STAU2: variants seen among roughly 807,000 people sequenced by gnomAD.
The protein encoded by STAU2 is staufen double-stranded RNA binding protein 2.
STAU2 carries 20 observed loss-of-function variants against 65.9 expected under a neutral mutation model. The ratio of observed to expected loss-of-function variants is 0.30; its 90% CI spans 0.21 to 0.44. The LOEUF is 0.44. STAU2 is among the 20% of genes least tolerant of loss of function. The pLI, the probability that STAU2 is intolerant of heterozygous loss-of-function variation, is 1.00. For missense variants in STAU2, 558 were observed against 683.9 expected, an observed-to-expected ratio of 0.82 and a Z score of 2.05; for synonymous variants, 232 against 233.9, an observed-to-expected ratio of 0.99 and a Z score of 0.07.
At chr8:73,593,516 A>G (rs1250806522) in intron 11 of STAU2, among the ~76,000 whole-genome samples, 1 of 152,188 alleles carries the variant, frequency 6.6e-6, no homozygotes, top group Non-Finnish European at 1.5e-5. Context: ...AGTGAGTGTG[A>G]TGATTAACTT....
intron 6 of STAU2, chr8:73,669,010 T>A: frequency 1.4e-6 from 1 of 699,056 alleles, no homozygotes; most frequent in Non-Finnish European, 2.6e-6. Context: ...TTTCATTCCC[T>A]GCCTTAAGAA....
chr8:73,573,724 T>C (rs1809290529), intron 12 of STAU2, among the ~76,000 whole-genome samples: 1 of 152,200 alleles, frequency 6.6e-6, no homozygotes, highest in South Asian at 2.1e-4. Context: ...ACTGGATCCC[T>C]TCCTTACACC....
intron 12 of STAU2, among the ~76,000 whole-genome samples, chr8:73,553,961 A>G (rs1807533543): frequency 6.6e-6 from 1 of 151,880 alleles, no homozygotes; most frequent in African/African-American, 2.4e-5. Flanking sequence ...TATTTAGGAA[A>G]TGTTTTCCTG....
intron 13 of STAU2, among the ~76,000 whole-genome samples, chr8:73,454,492 C>T (rs1181195745): frequency 6.6e-6 from 1 of 152,140 alleles, no homozygotes; most frequent in Non-Finnish European, 1.5e-5. Flanking sequence ...ATCTGTGTAT[C>T]TGTATGGAGG....
chr8:73,719,698 A>G (rs1007072641), intron 3 of STAU2, among the ~76,000 whole-genome samples: 1 of 152,232 alleles, frequency 6.6e-6, no homozygotes, highest in Non-Finnish European at 1.5e-5. Context: ...CCTTTTAATA[A>G]ACTGTTGAAT....
At chr8:73,635,343 A>G (rs529797988) in intron 6 of STAU2, among the ~76,000 whole-genome samples, 10 of 152,330 alleles carry the variant, frequency 6.6e-5, no homozygotes, top group African/African-American at 2.4e-4. Flanking sequence ...AACATCTGGA[A>G]AAAAAGAACA....
intron 4 of STAU2, among the ~76,000 whole-genome samples, chr8:73,695,064 A>G (rs568079281): frequency 8.7e-4 from 133 of 152,252 alleles, no homozygotes; most frequent in African/African-American, 3.2e-3. Context: ...GGCAACTCCT[A>G]GTGTGAGGCT....
At chr8:73,720,398 T>C (rs947600482) in intron 3 of STAU2, among the ~76,000 whole-genome samples, 1 of 151,960 alleles carries the variant, frequency 6.6e-6, no homozygotes, top group African/African-American at 2.4e-5. Context: ...CATTCTTCTT[T>C]CAAAATATAT....
chr8:73,601,813 A>G (rs1294479790), intron 10 of STAU2, among the ~76,000 whole-genome samples: 1 of 152,208 alleles, frequency 6.6e-6, no homozygotes, highest in African/African-American at 2.4e-5. Context: ...GTAGAAAAGG[A>G]TTTGTTTAAT....
At chr8:73,509,857 A>T (rs758873946) in intron 13 of STAU2, among the ~76,000 whole-genome samples, 1 of 152,172 alleles carries the variant, frequency 6.6e-6, no homozygotes, top group African/African-American at 2.4e-5. Flanking sequence ...GCTTATGCAG[A>T]GGAAATTTCT....
At chr8:73,578,121 A>G (rs1041198755) in intron 12 of STAU2, among the ~76,000 whole-genome samples, 3 of 152,198 alleles carry the variant, frequency 2.0e-5, no homozygotes, top group Admixed American at 2.0e-4. Flanking sequence ...AAAAATGCTC[A>G]TATTATTTCC....
chr8:73,461,122 G>A (rs1364377260), intron 13 of STAU2, among the ~76,000 whole-genome samples: 1 of 152,200 alleles, frequency 6.6e-6, no homozygotes, highest in African/African-American at 2.4e-5. Flanking sequence ...ACCTGGCTAG[G>A]AGACTTAGGG....
At chr8:73,494,960 T>C (rs1035261366) in intron 13 of STAU2, among the ~76,000 whole-genome samples, 1 of 151,612 alleles carries the variant, frequency 6.6e-6, no homozygotes, top group African/African-American at 2.4e-5. Context: ...CATAAGATAC[T>C]GCAAAGCCCA....
At chr8:73,563,251 C>T (rs1028882045) in intron 12 of STAU2, among the ~76,000 whole-genome samples, 6 of 152,156 alleles carry the variant, frequency 3.9e-5, no homozygotes, top group African/African-American at 9.7e-5. Flanking sequence ...TTCATCCTAG[C>T]CCCGTGGTGT....
chr8:73,617,515 G>T, intron 6 of STAU2, 64 bp from the exon 7 acceptor site: 1 of 1,479,212 alleles, frequency 6.8e-7, no homozygotes, highest in East Asian at 2.3e-5. Flanking sequence ...TCATTCATAA[G>T]ATTTGTTTAA....
At chr8:73,550,331 G>T (rs1807243827) in intron 13 of STAU2, 1 of 983,158 alleles carries the variant, frequency 1.0e-6, no homozygotes, top group Non-Finnish European at 1.2e-6. Flanking sequence ...GTGAAGATAT[G>T]TTAAAATTAT....
At chr8:73,471,120 T>C (rs1819981569) in intron 13 of STAU2, among the ~76,000 whole-genome samples, 1 of 151,392 alleles carries the variant, frequency 6.6e-6, no homozygotes, top group Admixed American at 6.6e-5. Context: ...CCTCTTTCTT[T>C]CCCCCAATAA....
intron 6 of STAU2, among the ~76,000 whole-genome samples, chr8:73,639,828 A>C (rs1343819902): frequency 6.6e-6 from 1 of 152,232 alleles, no homozygotes. Context: ...TGGAAACGAA[A>C]ATTTAACAAA....
chr8:73,643,260 A>T (rs1459002479), intron 6 of STAU2, among the ~76,000 whole-genome samples: 1 of 152,268 alleles, frequency 6.6e-6, no homozygotes, highest in Non-Finnish European at 1.5e-5. Context: ...AGGCAGCTAT[A>T]GCCTTTAATT....
Sources: allele counts gnomAD v4.1 joint callset (sites outside exome capture counted in the v4.1 genomes callset), GRCh38; gene constraint gnomAD v4.1.1; transcripts MANE v1.5; gene names NCBI Gene and HGNC (gene_info 2026-07-23, HGNC 2026-07-21).